Variants in HEG1 observed in about 807,000 individuals in gnomAD.
HEG1 encodes heart development protein with EGF like domains 1.
Under a neutral mutation model 125.6 loss-of-function variants are expected in HEG1, and 56 were observed. The ratio of observed to expected loss-of-function variants is 0.45; its 90% confidence interval spans 0.36 to 0.56. The LOEUF (loss-of-function observed/expected upper bound fraction) is 0.56. HEG1 is among the 20% of genes least tolerant of loss of function. HEG1 has a pLI of 0.00. For synonymous variants in HEG1, 644 were observed against 668.5 expected (o/e 0.96, Z 0.57); for missense variants, 1,523 against 1,670.0 (o/e 0.91, Z 1.53).
chr3:124,979,117 T>C (rs1291148383), intron 14 of HEG1, among the ~76,000 whole-genome samples: 1 of 151,874 alleles, frequency 6.6e-6, no homozygotes, highest in Non-Finnish European at 1.5e-5. Context: ...GCCCTGCTAA[T>C]TTTTTTGTGT....
At chr3:125,010,331 A>C in intron 7 of HEG1, 108 bp downstream of exon 7, 1 of 638,858 alleles carries the variant, frequency 1.6e-6, no homozygotes. Flanking sequence ...TAAGCAGGGT[A>C]TTAACTAAAA....
rs758627728 is a variant in HEG1, at chr3:124,966,675, A to G, written c.*3977T>C. 6.6e-6 allele frequency: 1 copy of G among 152,254 alleles called. No homozygotes were observed. The highest frequency in any genetic ancestry group is 1.5e-5 in the Non-Finnish European group (1 of 68,046). 9.4% of individuals were successfully genotyped at this position (152,254 alleles called of 1,614,324 possible). Reference sequence around the variant, plus strand: ...CTTTGCATTCTTCCTCTTTCCAAAGAAGTGCTGTAGTCTCAAAATTTGTGT... The same window carrying G: ...CTTTGCATTCTTCCTCTTTCCAAAGGAGTGCTGTAGTCTCAAAATTTGTGT... On this transcript the variant is annotated 3_prime_UTR_variant, in exon 17 of 17. Coordinates refer to ENST00000311127, the MANE Select transcript of HEG1 (RefSeq NM_020733.2).
At chr3:124,988,084 T>C (rs1414990161) in intron 14 of HEG1, among the ~76,000 whole-genome samples, 1 of 151,716 alleles carries the variant, frequency 6.6e-6, no homozygotes, top group Non-Finnish European at 1.5e-5. Context: ...TAGATTTTCT[T>C]ATCTATTTTT....
rs146215441 is a variant in HEG1, at chr3:125,005,990, A to C, written c.3194-622T>G. Among the ~76,000 whole-genome samples, 266 of 152,282 alleles carry C rather than the reference A, an allele frequency of 1.7e-3. 1 individual carries two copies. The highest frequency in any genetic ancestry group is 6.3e-3 in the African/African-American group (261 of 41,556). ...GCTTCCAGAGGTCAGGCAACTTCCTAAGAAAGCTCACCCAGGCTCCCAAGG... is the reference window on the plus strand; with the variant it reads ...GCTTCCAGAGGTCAGGCAACTTCCTCAGAAAGCTCACCCAGGCTCCCAAGG... On this transcript the variant is annotated intron_variant, in intron 8 of 16. Coordinates refer to ENST00000311127, the MANE Select transcript of HEG1 (RefSeq NM_020733.2).
At chr3:125,014,883 G>A (rs1267563410) in intron 5 of HEG1, 1 of 1,289,872 alleles carries the variant, frequency 7.8e-7, no homozygotes, top group Non-Finnish European at 1.0e-6. Flanking sequence ...AGACCGCAGT[G>A]TGCGTTCCCC....
intron 11 of HEG1, among the ~76,000 whole-genome samples, chr3:124,999,818 G>A (rs1579408631): frequency 6.6e-6 from 1 of 152,234 alleles, no homozygotes; most frequent in East Asian, 1.9e-4. Context: ...AACAGACAAT[G>A]AGACTCTAAG....
intron 12 of HEG1, among the ~76,000 whole-genome samples, 162 bp from the exon 13 acceptor site, chr3:124,991,148 C>T (rs982902811): frequency 1.0e-5 from 1 of 97,504 alleles, no homozygotes; most frequent in African/African-American, 3.2e-5. Flanking sequence ...GCCGGCACAA[C>T]TCTTTTTTTT....
intron 1 of HEG1, among the ~76,000 whole-genome samples, chr3:125,054,117 C>A (rs1054819329): frequency 6.6e-6 from 1 of 152,258 alleles, no homozygotes; most frequent in African/African-American, 2.4e-5. Context: ...AAATACTACA[C>A]AGTGTTCCTC....
Position 125,012,693 on chromosome 3 carries a change from A to G in HEG1, c.2886T>C (p.Ala962=). The G allele has an allele frequency of 2.5e-6, 4 of 1,613,876 alleles. 1 individual carries two copies. The South Asian group carries it at 4.4e-5, about 18-fold the overall frequency. Residue 962 remains alanine, a synonymous_variant, in exon 6 of 17, where the codon GCT becomes GCC. Coordinates refer to ENST00000311127, the MANE Select transcript of HEG1 (RefSeq NM_020733.2). Reference sequence around the variant, plus strand: ...GAACAGCAAAGGTGGCAGATTTGGGAGCCAAGTCTTCAGCCGTGGAAACAA... The same window carrying G: ...GAACAGCAAAGGTGGCAGATTTGGGGGCCAAGTCTTCAGCCGTGGAAACAA... ...TTVVSTAEDL[A]PKSATFAVQS... is the part of the protein sequence containing the mutation.
rs1937916889 is a variant in HEG1 at position 125,055,565 on chromosome 3, T to C, written c.316+10A>G. 1.7e-6 allele frequency: 2 copies of C among 1,202,594 alleles called. No homozygotes were observed. Among genetic ancestry groups the C allele is most frequent in the Non-Finnish European group, 2.1e-6 (2 of 968,640 alleles). The allele number at this position is 1,202,594 out of a possible 1,614,324, so 74.5% of individuals were successfully genotyped here. ...ACTGGCCAGGCGCCAGGTTCCCGGC[T>C]CTCACTCACCCGCGCTCCCGCCTCT... On this transcript the variant is annotated intron_variant, in intron 1 of 16. Coordinates refer to ENST00000311127, the MANE Select transcript of HEG1 (RefSeq NM_020733.2).
At chr3:124,997,198 T>C (rs1047185879) in intron 12 of HEG1, among the ~76,000 whole-genome samples, 4 of 152,154 alleles carry the variant, frequency 2.6e-5, no homozygotes, top group Non-Finnish European at 4.4e-5. Context: ...ACCATACCCA[T>C]TTCTCAGGAG....
chr3:125,053,533 C>T (rs961951285), intron 1 of HEG1, among the ~76,000 whole-genome samples: 5 of 152,272 alleles, frequency 3.3e-5, no homozygotes, highest in African/African-American at 9.6e-5. Flanking sequence ...GGCCTTTGAG[C>T]CACTGAAGAG....
chr3:124,974,356 G>A (rs746464496), intron 15 of HEG1, among the ~76,000 whole-genome samples: 4 of 152,132 alleles, frequency 2.6e-5, no homozygotes, highest in Non-Finnish European at 5.9e-5. Flanking sequence ...GTCTCCCCCA[G>A]ATTGACTGAA....
intron 1 of HEG1, among the ~76,000 whole-genome samples, chr3:125,047,679 T>C (rs1009320023): frequency 2.6e-5 from 4 of 152,228 alleles, no homozygotes; most frequent in Non-Finnish European, 5.9e-5. Context: ...TGAAGCTGTT[T>C]CCATCTCCTA....
Position 125,035,249 on chromosome 3 carries a change from G to GGGCT in HEG1, c.317-5762_317-5761insAGCC, listed in dbSNP as rs543684554. Among the ~76,000 whole-genome samples, 1,177 of 147,284 alleles carry GGGCT rather than the reference G, an allele frequency of 8.0e-3. 13 individuals carry two copies. Among genetic ancestry groups the GGGCT allele is most frequent in the African/African-American group, 0.027 (1,117 of 41,268 alleles). ...ACAAAGTGTGGGGCTTACAGAAGTG[G>GGGCT]TAATATTTTAAAAGGTAATGGCTGG... On this transcript the variant is annotated intron_variant, in intron 1 of 16. Coordinates refer to ENST00000311127, the MANE Select transcript of HEG1 (RefSeq NM_020733.2).
chr3:124,994,095 G>T (rs1936876784), intron 12 of HEG1, among the ~76,000 whole-genome samples: 2 of 152,126 alleles, frequency 1.3e-5, no homozygotes, highest in African/African-American at 4.8e-5. Flanking sequence ...ACCAGCAAGG[G>T]GGTGGTCTTG....
intron 1 of HEG1, among the ~76,000 whole-genome samples, chr3:125,053,857 A>T (rs1937869205): frequency 6.6e-6 from 1 of 152,000 alleles, no homozygotes; most frequent in Admixed American, 6.6e-5. Flanking sequence ...ACCTCTCTGT[A>T]ATACCTGTAA....
At chr3:125,046,172 A>G (rs1937660766) in intron 1 of HEG1, among the ~76,000 whole-genome samples, 1 of 152,104 alleles carries the variant, frequency 6.6e-6, no homozygotes, top group Admixed American at 6.5e-5. Context: ...CAACTCTGCT[A>G]GCAGCTACAG....
intron 8 of HEG1, 141 bp downstream of exon 8, chr3:125,009,564 A>T (rs1937120764): frequency 3.8e-6 from 3 of 795,898 alleles, no homozygotes; most frequent in South Asian, 4.8e-5. Context: ...ATAATGGACA[A>T]TAGCTTCCAC....
Sources: gnomAD v4.1 joint callset for allele counts (sites outside exome capture counted in the v4.1 genomes callset) on GRCh38, gnomAD v4.1.1 for gene constraint, MANE v1.5 for transcripts, NCBI Gene and HGNC (gene_info 2026-07-23, HGNC 2026-07-21) for gene names.